BCOR: variants seen among roughly 807,000 people sequenced by gnomAD.
BCOR encodes the protein BCL-6 corepressor.
BCOR carries 10 observed loss-of-function variants against 86.7 expected under a neutral mutation model. The ratio of observed to expected loss-of-function variants is 0.12; its 90% confidence interval spans 0.07 to 0.20. BCOR has a LOEUF of 0.20. Among genes scored for constraint, BCOR ranks in the 10% least tolerant of loss-of-function variants. The probability of loss-of-function intolerance (pLI) is 1.00; values close to 1 mark genes in which losing one functional copy is unlikely to be tolerated. For synonymous variants in BCOR, 611 were observed against 609.0 expected (o/e 1.00, Z -0.05); for missense variants, 1,259 against 1,452.1 (o/e 0.87, Z 2.16).
At chrX:40,135,534 C>T (rs1482998055) in intron 1 of BCOR, among the ~76,000 whole-genome samples, 1 of 111,101 alleles carries the variant, frequency 9.0e-6, no homozygotes, top group East Asian at 2.8e-4. Context: ...GGATTACAGG[C>T]GTGTACCACC....
At position 40,122,686 on chromosome X, in the gene BCOR, G is replaced by A. The variant is rs181322700; in HGVS notation, c.-40-44717C>T. 4.6e-4 allele frequency among the ~76,000 whole-genome samples: 52 copies of A among 112,101 alleles called. No homozygotes were observed. The East Asian group carries it at 0.014, about 30-fold the overall frequency. On this transcript the variant is annotated intron_variant, in intron 1 of 14. Transcript: ENST00000342274. ...GACCATGGAAGCCGCCACTCGGGGC[G>A]TTAACTGGCTTGTGGTCAGGCCTGT...
chrX:40,099,893 C>G (rs1454965683), upstream of BCOR, among the ~76,000 whole-genome samples: 2 of 112,093 alleles, frequency 1.8e-5, no homozygotes, highest in African/African-American at 3.2e-5. Flanking sequence ...AGTGCCCAGC[C>G]AGGCTGGGCC....
At chrX:40,121,213 C>T (rs1361972936) in intron 1 of BCOR, among the ~76,000 whole-genome samples, 2 of 112,160 alleles carry the variant, frequency 1.8e-5, no homozygotes, top group Non-Finnish European at 3.8e-5. Context: ...CCCTGCCCCT[C>T]AGACCTTGGC....
At chrX:40,158,312 G>A (rs1350507410) in intron 1 of BCOR, among the ~76,000 whole-genome samples, 1 of 112,114 alleles carries the variant, frequency 8.9e-6, no homozygotes, top group Non-Finnish European at 1.9e-5. Context: ...CCCGGACGCG[G>A]GCGGCTGCGC....
chrX:40,063,168 T>C lies in BCOR; in HGVS notation c.3848-97A>G, dbSNP rs185281834. On this transcript the variant is annotated intron_variant, in intron 8 of 14. Coordinates refer to ENST00000378444, the MANE Select transcript of BCOR (RefSeq NM_001123385.2). Reference sequence around the variant, plus strand: ...TAGCCAGTGCAGGAAGAAAAGCCCATTGTTAACACTGATCACTGGAGCGGC... The same window carrying C: ...TAGCCAGTGCAGGAAGAAAAGCCCACTGTTAACACTGATCACTGGAGCGGC... 1.5e-5 allele frequency: 9 copies of C among 581,595 alleles called. No homozygotes were observed. In the East Asian group the frequency reaches 2.5e-4, roughly 16 times the overall value. The allele number at this position is 581,595 out of a possible 1,213,427, so 47.9% of individuals were successfully genotyped here.
intron 1 of BCOR, among the ~76,000 whole-genome samples, chrX:40,129,949 G>A (rs1937586147): frequency 1.8e-5 from 2 of 110,772 alleles, no homozygotes; most frequent in African/African-American, 6.6e-5. Flanking sequence ...GCTGAGGCAC[G>A]AGAATTGTAT....
At chrX:40,056,151 G>A (rs1487913967) in intron 11 of BCOR, among the ~76,000 whole-genome samples, 1 of 109,402 alleles carries the variant, frequency 9.1e-6, no homozygotes, top group African/African-American at 3.3e-5. Context: ...GGCCTAAGAA[G>A]GAAGTCAAGC....
chrX:40,164,489 T>C (rs899055172), intron 1 of BCOR, among the ~76,000 whole-genome samples: 1 of 112,236 alleles, frequency 8.9e-6, no homozygotes, highest in Admixed American at 9.4e-5. Flanking sequence ...TAACGCAGTG[T>C]CTTATTCTTT....
At chrX:40,102,325 C>T (rs1287987451), upstream of BCOR, among the ~76,000 whole-genome samples, 2 of 111,964 alleles carry the variant, frequency 1.8e-5, no homozygotes, top group East Asian at 2.8e-4. Flanking sequence ...CGAACACAGG[C>T]ACGTGTGGGT....
Position 40,073,477 on chromosome X carries a change from T to C in BCOR, c.1869A>G (p.Glu623=), listed in dbSNP as rs764679248. 10 of 1,212,171 alleles carry C rather than the reference T, an allele frequency of 8.2e-6. No individual in the cohort carries two copies. In the Admixed American group the frequency reaches 1.1e-4, roughly 13 times the overall value. ...CGTTCTCGTTTGCTTTGAAACTCGG[T>C]TCTGGGTTGCTGGCTTTGGCGCCCT... The part of the protein sequence containing the change: ...SSKGAKASNP[E]PSFKANENGL... The change falls in exon 4 of 15, where the codon GAA becomes GAG. Residue 623 remains glutamate (E), a synonymous_variant. Transcript: ENST00000378444.
rs745319480 is a variant in BCOR at position 40,176,682 on chromosome X, C to T, written c.-41+325G>A. 8.1e-5 allele frequency among the ~76,000 whole-genome samples: 9 copies of T among 111,306 alleles called. No homozygotes were observed. The South Asian group carries it at 3.4e-3, about 42-fold the overall frequency. On this transcript the variant is annotated intron_variant, in intron 1 of 14. Transcript: ENST00000342274. ...CACCGGTCCCTCCATAACTCGCGCT[C>T]CTCCCTCGCTCCGGGCTCGGGGAGC...
chrX:40,118,446 T>C (rs1937431518), intron 1 of BCOR, among the ~76,000 whole-genome samples: 1 of 108,951 alleles, frequency 9.2e-6, no homozygotes, highest in African/African-American at 3.3e-5. Flanking sequence ...TTTGTATTTT[T>C]AGTAGAGATG....
upstream of BCOR, among the ~76,000 whole-genome samples, chrX:40,101,468 G>A (rs1260862771): frequency 8.8e-6 from 1 of 113,158 alleles, no homozygotes; most frequent in African/African-American, 3.2e-5. Flanking sequence ...GGAGCAGCGG[G>A]GGCTGCCCCT....
rs1224423976 is a variant in BCOR, at chrX:40,086,381, C to T, written c.-40-8412G>A. ...CAAATCTTAAAAACTCAGCCATAAACAGCTGAGGACCCAGTTCAACGGATC... is the reference window on the plus strand; with the variant it reads ...CAAATCTTAAAAACTCAGCCATAAATAGCTGAGGACCCAGTTCAACGGATC... On this transcript the variant is annotated intron_variant, in intron 1 of 14. Transcript: ENST00000378444. 6.2e-5 allele frequency among the ~76,000 whole-genome samples: 7 copies of T among 113,313 alleles called. No individual in the cohort carries two copies. The South Asian group carries it at 1.8e-3, about 29-fold the overall frequency.
chrX:40,058,246 A>G (rs1934697494), intron 10 of BCOR, among the ~76,000 whole-genome samples: 1 of 112,554 alleles, frequency 8.9e-6, no homozygotes, highest in Non-Finnish European at 1.9e-5. Flanking sequence ...TAAGCAGAGC[A>G]GTAATTTAGT....
At chrX:40,109,777 G>T (rs1167885640) in intron 1 of BCOR, among the ~76,000 whole-genome samples, 1 of 112,998 alleles carries the variant, frequency 8.8e-6, no homozygotes, top group Non-Finnish European at 1.9e-5. Flanking sequence ...ATCCCGCTGC[G>T]GGAGCCCGGG....
chrX:40,133,011 C>A (rs1937617897), intron 1 of BCOR, among the ~76,000 whole-genome samples: 1 of 112,572 alleles, frequency 8.9e-6, no homozygotes, highest in African/African-American at 3.2e-5. Context: ...ACAGTGAAAC[C>A]CACTGCTCAG....
rs990025855 is a variant in BCOR at position 40,079,871 on chromosome X, T to G, written c.-40-1902A>C. On this transcript the variant is annotated intron_variant, in intron 1 of 14. Coordinates refer to ENST00000378444, the MANE Select transcript of BCOR (RefSeq NM_001123385.2). ...GTGGCAGTGTCCCCTCTCCGGCCCCTGCTGCCCTTTCTAACAAAAGGAAGA... is the reference window on the plus strand; with the variant it reads ...GTGGCAGTGTCCCCTCTCCGGCCCCGGCTGCCCTTTCTAACAAAAGGAAGA... Among the ~76,000 whole-genome samples the G allele has an allele frequency of 8.2e-5, 9 of 109,948 alleles. No homozygotes were observed. In the East Asian group the frequency reaches 2.7e-3, roughly 32 times the overall value.
chrX:40,146,095 C>T (rs932083330), intron 1 of BCOR, among the ~76,000 whole-genome samples: 1 of 112,512 alleles, frequency 8.9e-6, no homozygotes, highest in African/African-American at 3.2e-5. Flanking sequence ...GTCGCCCTTC[C>T]TCTTCCCCTA....
Sources: gnomAD v4.1 joint callset for allele counts (sites outside exome capture counted in the v4.1 genomes callset) on GRCh38, gnomAD v4.1.1 for gene constraint, MANE v1.5 for transcripts, NCBI Gene and HGNC (gene_info 2026-07-23, HGNC 2026-07-21) for gene names.